Variants in PCDHA6 observed in about 807,000 individuals in gnomAD.
The protein encoded by PCDHA6 is protocadherin alpha-6.
PCDHA6 carries 55 observed loss-of-function variants against 60.3 expected under a neutral mutation model. The ratio of observed to expected loss-of-function variants is 0.91; its 90% CI spans 0.73 to 1.14. The LOEUF is 1.14. Ranked by LOEUF, PCDHA6 falls within the 50% of genes most tolerant of loss-of-function variation. PCDHA6 has a pLI of 0.00. For synonymous variants in PCDHA6, 652 were observed against 557.9 expected, an observed-to-expected ratio of 1.17 and a Z score of -2.38; for missense variants, 1,327 against 1,256.5, an observed-to-expected ratio of 1.06 and a Z score of -0.85.
At chr5:140,963,705 C>T (rs1351751729) in intron 1 of PCDHA6, among the ~76,000 whole-genome samples, 1 of 152,130 alleles carries the variant, frequency 6.6e-6, no homozygotes, top group Non-Finnish European at 1.5e-5. Flanking sequence ...ATCTAAAGGG[C>T]CATGCTACAT....
At chr5:140,890,784 T>C (rs2062805881) in intron 1 of PCDHA6, among the ~76,000 whole-genome samples, 1 of 152,212 alleles carries the variant, frequency 6.6e-6, no homozygotes, top group South Asian at 2.1e-4. Flanking sequence ...CCATAAGATA[T>C]TAGTATTATT....
At chr5:140,870,426 C>G (rs574302735) in intron 1 of PCDHA6, 1 of 1,614,208 alleles carries the variant, frequency 6.2e-7, no homozygotes, top group African/African-American at 1.3e-5. Flanking sequence ...CCAGGGTATC[C>G]GTGGAGGTGG....
At chr5:140,932,192 T>C (rs1359260162) in intron 1 of PCDHA6, among the ~76,000 whole-genome samples, 4 of 151,968 alleles carry the variant, frequency 2.6e-5, no homozygotes, top group African/African-American at 9.6e-5. Context: ...GTCCATTTTT[T>C]TCTGTTAATA....
chr5:140,869,205 C>T (rs782278064), intron 1 of PCDHA6: 1 of 1,613,994 alleles, frequency 6.2e-7, no homozygotes, highest in Non-Finnish European at 8.5e-7. Flanking sequence ...TCCACTACTC[C>T]GTCTCGGAGG....
intron 1 of PCDHA6, among the ~76,000 whole-genome samples, chr5:140,904,640 C>T (rs1484010152): frequency 6.6e-6 from 1 of 152,046 alleles, no homozygotes; most frequent in Non-Finnish European, 1.5e-5. Flanking sequence ...GGAATCTCCA[C>T]ACTGTTTTCC....
rs186341301 is a variant in PCDHA6 at position 140,890,770 on chromosome 5, A to G, written c.2394+60285A>G. Among the ~76,000 whole-genome samples the G allele has an allele frequency of 8.0e-3, 1,216 of 152,240 alleles. 6 individuals are homozygous for G. Among genetic ancestry groups the G allele is most frequent in the African/African-American group, 0.019 (786 of 41,520 alleles). On this transcript the variant is annotated intron_variant, in intron 1 of 3. Transcript: ENST00000529310. Reference sequence around the variant, plus strand: ...CTGTCATGCTTTAAAAATATTTTAAAACCCCATAAGATATTAGTATTATTT... The same window carrying G: ...CTGTCATGCTTTAAAAATATTTTAAGACCCCATAAGATATTAGTATTATTT...
At chr5:140,929,391 A>T (rs1563116530) in intron 1 of PCDHA6, 3 of 1,511,404 alleles carry the variant, frequency 2.0e-6, no homozygotes, top group Non-Finnish European at 2.7e-6. Context: ...GTTTTGAAAT[A>T]TTTCTTAGAC....
intron 1 of PCDHA6, chr5:140,841,973 G>T (rs2150326625): frequency 4.8e-5 from 77 of 1,613,744 alleles, no homozygotes; most frequent in Non-Finnish European, 6.3e-5. Flanking sequence ...CACAGATGGG[G>T]GCAAACCTGA....
intron 1 of PCDHA6, among the ~76,000 whole-genome samples, chr5:140,897,549 T>C (rs1356591020): frequency 2.6e-5 from 4 of 152,140 alleles, no homozygotes; most frequent in African/African-American, 7.2e-5. Flanking sequence ...TAGTCTTCCA[T>C]GGTGTATATG....
At chr5:140,842,599 C>T (rs1460884024) in intron 1 of PCDHA6, 3 of 1,595,874 alleles carry the variant, frequency 1.9e-6, no homozygotes, top group African/African-American at 1.3e-5. Flanking sequence ...TGGTGGTAAC[C>T]GCGCGGGACG....
chr5:140,987,138 C>T (rs2097231368), intron 3 of PCDHA6, among the ~76,000 whole-genome samples: 1 of 151,182 alleles, frequency 6.6e-6, no homozygotes, highest in Non-Finnish European at 1.5e-5. Context: ...TGCTTGAACT[C>T]GGGAGGTGGA....
At chr5:140,871,564 C>T (rs782409405) in intron 1 of PCDHA6, 16 of 1,482,712 alleles carry the variant, frequency 1.1e-5, no homozygotes, top group East Asian at 2.5e-5. Flanking sequence ...TTTTTTTTCA[C>T]GGATTTTTTA....
intron 1 of PCDHA6, among the ~76,000 whole-genome samples, chr5:140,974,660 C>T (rs529524485): frequency 2.6e-5 from 4 of 152,116 alleles, no homozygotes; most frequent in South Asian, 2.1e-4. Flanking sequence ...TACAGGCATG[C>T]GCCACCATGC....
At chr5:140,840,168 T>C (rs1776589979) in intron 1 of PCDHA6, among the ~76,000 whole-genome samples, 2 of 151,992 alleles carry the variant, frequency 1.3e-5, no homozygotes, top group African/African-American at 2.4e-5. Flanking sequence ...ATGGGATGTA[T>C]ACAAATTTTA....
intron 1 of PCDHA6, chr5:140,836,375 C>T (rs2150258961): frequency 4.3e-6 from 7 of 1,613,712 alleles, no homozygotes; most frequent in South Asian, 1.1e-5. Context: ...CCACAGCCAC[C>T]GTGCTGGTGT....
chr5:140,856,524 C>G, intron 1 of PCDHA6: 1 of 1,598,296 alleles, frequency 6.3e-7, no homozygotes, highest in Non-Finnish European at 8.6e-7. Context: ...GCATCTGATG[C>G]GGATGTTGGA....
At chr5:140,876,999 G>T (rs368334312) in intron 1 of PCDHA6, 2 of 1,612,546 alleles carry the variant, frequency 1.2e-6, no homozygotes, top group Non-Finnish European at 1.7e-6. Flanking sequence ...GCTACGTGTC[G>T]GTGCACGCGG....
intron 3 of PCDHA6, among the ~76,000 whole-genome samples, chr5:140,996,546 T>C (rs1179221123): frequency 6.6e-6 from 1 of 152,224 alleles, no homozygotes; most frequent in Admixed American, 6.5e-5. Flanking sequence ...GATATTATGC[T>C]GTCACTATCT....
In PCDHA6 at chr5:140,882,919, A is replaced by G. The variant is rs781879301; in HGVS notation, c.2394+52434A>G. 7.4e-6 allele frequency: 12 copies of G among 1,614,104 alleles called. No homozygotes were observed. In the East Asian group the frequency reaches 2.7e-4, roughly 36 times the overall value. The stretch of plus-strand genomic sequence containing the variant: ...GTTTATTACTGACAGCCAGTGATGG[A>G]GGTAAACCCGAGCTGACTGGCACAG... On this transcript the variant is annotated intron_variant, in intron 1 of 3. Coordinates refer to ENST00000529310, the MANE Select transcript of PCDHA6 (RefSeq NM_018909.4).
Sources: gnomAD v4.1 joint callset for allele counts (sites outside exome capture counted in the v4.1 genomes callset) on GRCh38, gnomAD v4.1.1 for gene constraint, MANE v1.5 for transcripts, NCBI Gene and HGNC (gene_info 2026-07-23, HGNC 2026-07-21) for gene names.